The following HPSE2 variants were observed in gnomAD, a reference collection of about 807,000 sequenced individuals.
The protein encoded by HPSE2 is heparanase 2 (inactive).
HPSE2 carries 38 observed loss-of-function variants against 60.5 expected under a neutral mutation model. The observed-to-expected ratio is 0.63, with a 90% confidence interval of 0.48 to 0.82. The LOEUF (loss-of-function observed/expected upper bound fraction) is 0.82. HPSE2 is among the 40% of genes least tolerant of loss of function. The pLI, the probability that HPSE2 is intolerant of heterozygous loss-of-function variation, is 0.00. For synonymous variants in HPSE2, 295 were observed against 293.2 expected (o/e 1.01, Z -0.06); for missense variants, 713 against 740.4 (o/e 0.96, Z 0.43).
At chr10:98,976,736 G>GA (rs63223461) in intron 3 of HPSE2, among the ~76,000 whole-genome samples, 1,641 of 137,896 alleles carry the variant, frequency 0.012, 15 homozygotes, top group African/African-American at 0.034. Context: ...CGTGGTAAGC[G>GA]AAAAAAAAAA....
intron 6 of HPSE2, among the ~76,000 whole-genome samples, chr10:98,664,265 C>A (rs752098337): frequency 6.6e-6 from 1 of 151,988 alleles, no homozygotes; most frequent in Admixed American, 6.6e-5. Flanking sequence ...AGATGGTGGA[C>A]CGGGTGATTC....
chr10:99,093,242 C>T (rs994999146), intron 3 of HPSE2, among the ~76,000 whole-genome samples: 5 of 151,758 alleles, frequency 3.3e-5, no homozygotes, highest in East Asian at 1.9e-4. Flanking sequence ...AAAAAAGTAT[C>T]GCCCTTTCTA....
intron 3 of HPSE2, among the ~76,000 whole-genome samples, chr10:98,934,618 G>A (rs1477237295): frequency 6.9e-6 from 1 of 144,048 alleles, no homozygotes; most frequent in Non-Finnish European, 1.5e-5. Flanking sequence ...AATTTCTTCT[G>A]GCTTGCAGAG....
intron 3 of HPSE2, among the ~76,000 whole-genome samples, chr10:99,097,860 C>T (rs1370198905): frequency 1.3e-5 from 2 of 152,068 alleles, no homozygotes; most frequent in Non-Finnish European, 2.9e-5. Context: ...AATGGAAGAA[C>T]CAGGACTGAA....
chr10:99,003,205 A>G (rs1382110306), intron 3 of HPSE2, among the ~76,000 whole-genome samples: 1 of 152,094 alleles, frequency 6.6e-6, no homozygotes, highest in Non-Finnish European at 1.5e-5. Context: ...AAGGCTGAAT[A>G]GTATTCCATT....
chr10:98,594,513 TTTAAC>T (rs780097613), intron 9 of HPSE2, among the ~76,000 whole-genome samples: 13 of 152,234 alleles, frequency 8.5e-5, no homozygotes, highest in Admixed American at 6.5e-5. Context: ...AAAGGAACAA[TTTAAC>T]TTATTATTTT....
intron 3 of HPSE2, among the ~76,000 whole-genome samples, chr10:98,952,959 G>A (rs1955407799): frequency 6.6e-6 from 1 of 152,164 alleles, no homozygotes; most frequent in South Asian, 2.1e-4. Flanking sequence ...TAGGGAAGGT[G>A]GGGGAAGCAA....
intron 2 of HPSE2, among the ~76,000 whole-genome samples, chr10:99,219,957 A>G (rs1849254249): frequency 6.6e-6 from 1 of 152,210 alleles, no homozygotes; most frequent in Non-Finnish European, 1.5e-5. Context: ...ATTCAAAGAG[A>G]ATCAAAAATT....
intron 3 of HPSE2, among the ~76,000 whole-genome samples, chr10:99,014,942 C>T (rs545937292): frequency 1.1e-4 from 16 of 152,214 alleles, no homozygotes; most frequent in Middle Eastern, 6.8e-3. Flanking sequence ...GGCTAATATC[C>T]AGAATCTACA....
chr10:98,792,521 AAAG>A (rs1297111223), intron 3 of HPSE2, among the ~76,000 whole-genome samples: 1 of 152,104 alleles, frequency 6.6e-6, no homozygotes, highest in Non-Finnish European at 1.5e-5. Flanking sequence ...ACTGAATTGG[AAAG>A]AATAAAGGGT....
At chr10:99,241,742 C>G in the HPSE2 span, among the ~76,000 whole-genome samples, 1 of 152,318 alleles carries the variant, frequency 6.6e-6, no homozygotes, top group Admixed American at 6.5e-5. Context: ...GCCTGGGTAA[C>G]AGAACGAGAC....
chr10:98,506,497 T>C (rs991344282), intron 9 of HPSE2, among the ~76,000 whole-genome samples: 2 of 152,100 alleles, frequency 1.3e-5, no homozygotes, highest in African/African-American at 4.8e-5. Context: ...CATGCTGGAG[T>C]GCAGTGGTGT....
intron 3 of HPSE2, among the ~76,000 whole-genome samples, chr10:98,762,551 T>C (rs1273090972): frequency 6.6e-6 from 1 of 152,164 alleles, no homozygotes; most frequent in African/African-American, 2.4e-5. Flanking sequence ...TATTTAAGAA[T>C]TGAAATGTGA....
chr10:98,569,184 C>A (rs994073565), intron 9 of HPSE2, among the ~76,000 whole-genome samples: 5 of 151,856 alleles, frequency 3.3e-5, no homozygotes, highest in Non-Finnish European at 7.4e-5. Context: ...CAGCCTCAGC[C>A]TCCTGAGTAG....
chr10:98,970,699 T>A (rs1010740201), intron 3 of HPSE2, among the ~76,000 whole-genome samples: 9 of 152,204 alleles, frequency 5.9e-5, no homozygotes, highest in African/African-American at 1.9e-4. Context: ...GTATCAAGTA[T>A]CTGAAACCAC....
chr10:99,069,731 T>A (rs1842726917), intron 3 of HPSE2, among the ~76,000 whole-genome samples: 2 of 151,842 alleles, frequency 1.3e-5, no homozygotes, highest in Admixed American at 1.3e-4. Flanking sequence ...AGTATTTACT[T>A]AGTACTCAGT....
intron 9 of HPSE2, among the ~76,000 whole-genome samples, chr10:98,567,339 T>C (rs1327516423): frequency 1.3e-5 from 2 of 152,210 alleles, no homozygotes; most frequent in African/African-American, 4.8e-5. Flanking sequence ...TTTTTGGATG[T>C]TTATTCCTTG....
At chr10:99,313,378 G>C in the HPSE2 span, among the ~76,000 whole-genome samples, 1 of 152,262 alleles carries the variant, frequency 6.6e-6, no homozygotes, top group South Asian at 2.1e-4. Flanking sequence ...TAGAAGTGAA[G>C]ACTGAAGATG....
At chr10:99,118,536 A>G (rs1290975839) in intron 3 of HPSE2, among the ~76,000 whole-genome samples, 1 of 151,298 alleles carries the variant, frequency 6.6e-6, no homozygotes, top group East Asian at 1.9e-4. Flanking sequence ...AAAAAAAAAA[A>G]AAAAACCATA....
Sources: allele counts gnomAD v4.1 joint callset (sites outside exome capture counted in the v4.1 genomes callset), GRCh38; gene constraint gnomAD v4.1.1; transcripts MANE v1.5; gene names NCBI Gene and HGNC (gene_info 2026-07-23, HGNC 2026-07-21).